The following ADCY8 variants were observed in gnomAD, a reference collection of about 807,000 sequenced individuals.
The protein encoded by ADCY8 is adenylate cyclase 8.
ADCY8 carries 51 observed loss-of-function variants against 119.7 expected under a neutral mutation model. That is an observed-to-expected ratio of 0.43 (90% CI 0.34 to 0.54). ADCY8 has a LOEUF of 0.54. ADCY8 is among the 20% of genes least tolerant of loss of function. The pLI is 0.03. For synonymous variants in ADCY8, 665 were observed against 651.0 expected (o/e 1.02, Z -0.33); for missense variants, 1,383 against 1,598.8 (o/e 0.87, Z 2.30).
chr8:130,970,010 T>G (rs1036988981), intron 2 of ADCY8, among the ~76,000 whole-genome samples: 2 of 152,270 alleles, frequency 1.3e-5, no homozygotes, highest in Non-Finnish European at 2.9e-5. Context: ...TATAGGGTCC[T>G]TTCTGCAGGG....
At chr8:130,830,800 T>C (rs1251425403) in intron 12 of ADCY8, among the ~76,000 whole-genome samples, 1 of 152,206 alleles carries the variant, frequency 6.6e-6, no homozygotes, top group African/African-American at 2.4e-5. Context: ...GTCTATTTTG[T>C]TGCCTCCCTG....
At chr8:130,846,129 G>A (rs1214354732) in intron 11 of ADCY8, among the ~76,000 whole-genome samples, 1 of 152,122 alleles carries the variant, frequency 6.6e-6, no homozygotes, top group Non-Finnish European at 1.5e-5. Flanking sequence ...AGACTACAGG[G>A]AGCCTTTTCT....
chr8:130,912,507 A>T (rs1383852343), intron 5 of ADCY8, among the ~76,000 whole-genome samples: 2 of 152,218 alleles, frequency 1.3e-5, no homozygotes, highest in Non-Finnish European at 2.9e-5. Context: ...AGTAGGACTT[A>T]AGACATGCAG....
chr8:130,940,529 A>T (rs1820925522), intron 4 of ADCY8, among the ~76,000 whole-genome samples: 1 of 151,832 alleles, frequency 6.6e-6, no homozygotes, highest in Non-Finnish European at 1.5e-5. Flanking sequence ...AATAAAATGT[A>T]TGTAATATAT....
chr8:130,963,319 T>A (rs776048041), intron 2 of ADCY8, among the ~76,000 whole-genome samples: 1 of 152,158 alleles, frequency 6.6e-6, no homozygotes, highest in Non-Finnish European at 1.5e-5. Flanking sequence ...TGTGGCTGCT[T>A]TAGCAAAATG....
At chr8:131,030,070 T>C (rs1345220906) in intron 1 of ADCY8, among the ~76,000 whole-genome samples, 2 of 152,144 alleles carry the variant, frequency 1.3e-5, no homozygotes, top group African/African-American at 2.4e-5. Flanking sequence ...ATTGCTCTGA[T>C]AGAGGAAAAC....
At chr8:130,886,793 T>C (rs1454433210) in intron 7 of ADCY8, among the ~76,000 whole-genome samples, 3 of 152,152 alleles carry the variant, frequency 2.0e-5, no homozygotes, top group Non-Finnish European at 2.9e-5. Flanking sequence ...TTTCCTTCTA[T>C]TAACTAAATT....
At chr8:130,962,520 G>C (rs764441920) in intron 2 of ADCY8, among the ~76,000 whole-genome samples, 6 of 152,144 alleles carry the variant, frequency 3.9e-5, no homozygotes, top group Non-Finnish European at 5.9e-5. Flanking sequence ...CTCCTGTCTG[G>C]ATTCCCCTCT....
intron 1 of ADCY8, among the ~76,000 whole-genome samples, chr8:130,999,973 A>G (rs1822892924): frequency 6.6e-6 from 1 of 152,356 alleles, no homozygotes; most frequent in Non-Finnish European, 1.5e-5. Flanking sequence ...GAATGTTAAA[A>G]CTGAAATTGG....
Position 131,040,505 on chromosome 8 carries a change from GC to G in ADCY8, c.-173del. On this transcript the variant is annotated 5_prime_UTR_variant, in exon 1 of 18. Coordinates refer to ENST00000286355, the MANE Select transcript of ADCY8 (RefSeq NM_001115.3). ...CTCCCTGTAGGTCGGGTCATACTGT[GC>G]CCAGGGGCAAAGGGCACCTGGAAGA... is the stretch of plus-strand genomic sequence containing the variant. 2.8e-6 allele frequency: 2 copies of G among 715,476 alleles called. No individual in the cohort carries two copies. The highest frequency in any genetic ancestry group is 3.9e-6 in the Non-Finnish European group (2 of 507,398). The allele number at this position is 715,476 out of a possible 1,614,324, so 44.3% of individuals were successfully genotyped here. A position where few individuals can be genotyped will look rare whatever the true frequency, so the allele number is the denominator to read the frequency against.
At chr8:130,994,152 C>T (rs909433731) in intron 1 of ADCY8, among the ~76,000 whole-genome samples, 1 of 152,216 alleles carries the variant, frequency 6.6e-6, no homozygotes, top group Non-Finnish European at 1.5e-5. Context: ...ATGATATTGG[C>T]TATTGTTTCT....
At chr8:130,867,414 G>A (rs556760936) in intron 9 of ADCY8, among the ~76,000 whole-genome samples, 19 of 152,280 alleles carry the variant, frequency 1.2e-4, no homozygotes, top group African/African-American at 3.8e-4. Context: ...GTTTTTGTAC[G>A]TAAAGTAGAA....
intron 2 of ADCY8, among the ~76,000 whole-genome samples, chr8:130,971,813 A>G (rs955894680): frequency 9.9e-5 from 15 of 152,196 alleles, no homozygotes; most frequent in African/African-American, 3.1e-4. Context: ...TGATATGACA[A>G]AGATGATGTA....
chr8:130,866,832 G>C (rs1016415260), intron 9 of ADCY8, among the ~76,000 whole-genome samples: 5 of 152,070 alleles, frequency 3.3e-5, no homozygotes, highest in African/African-American at 9.7e-5. Context: ...AGTTATTTTT[G>C]AGGCTTTTTG....
At chr8:130,873,874 A>G (rs748844419) in intron 8 of ADCY8, among the ~76,000 whole-genome samples, 6 of 152,276 alleles carry the variant, frequency 3.9e-5, no homozygotes, top group South Asian at 2.1e-4. Flanking sequence ...TTATTAGTAT[A>G]TATTAATATA....
At chr8:130,873,823 A>G (rs566340566) in intron 8 of ADCY8, among the ~76,000 whole-genome samples, 1 of 152,166 alleles carries the variant, frequency 6.6e-6, no homozygotes, top group South Asian at 2.1e-4. Context: ...TCATTTTTGG[A>G]TAAATTTAGT....
At chr8:130,979,243 CATTGGAAG>C (rs1822166442) in intron 2 of ADCY8, among the ~76,000 whole-genome samples, 1 of 152,172 alleles carries the variant, frequency 6.6e-6, no homozygotes, top group South Asian at 2.1e-4. Context: ...TGGGAGCCTT[CATTGGAAG>C]CTGGCACCTT....
At chr8:130,991,721 C>G (rs1822583961) in intron 1 of ADCY8, among the ~76,000 whole-genome samples, 1 of 152,206 alleles carries the variant, frequency 6.6e-6, no homozygotes, top group South Asian at 2.1e-4. Context: ...GTGACTCAAT[C>G]TCAAGAGAAA....
At chr8:130,995,029 A>G (rs549282136) in intron 1 of ADCY8, among the ~76,000 whole-genome samples, 3 of 152,284 alleles carry the variant, frequency 2.0e-5, no homozygotes, top group South Asian at 4.1e-4. Context: ...CTAACATTTC[A>G]CACTGGCTAG....
Sources: gnomAD v4.1 joint callset for allele counts (sites outside exome capture counted in the v4.1 genomes callset) on GRCh38, gnomAD v4.1.1 for gene constraint, MANE v1.5 for transcripts, NCBI Gene and HGNC (gene_info 2026-07-23, HGNC 2026-07-21) for gene names.